The following CRMP1 variants were observed in gnomAD, a reference collection of about 807,000 sequenced individuals.
The protein encoded by CRMP1 is collapsin response mediator protein 1, also known as dihydropyrimidinase-related protein 1.
A neutral mutation model predicts 68.3 loss-of-function variants in CRMP1; 19 were observed. That is an observed-to-expected ratio of 0.28 (90% confidence interval 0.19 to 0.41). The LOEUF is 0.41. CRMP1 is among the 10% of genes least tolerant of loss of function. CRMP1 has a pLI of 1.00. For synonymous variants in CRMP1, 439 were observed against 399.6 expected, an observed-to-expected ratio of 1.10 and a Z score of -1.18; for missense variants, 791 against 967.4, an observed-to-expected ratio of 0.82 and a Z score of 2.42.
chr4:5,880,784 A>G (rs1399721796), intron 1 of CRMP1, among the ~76,000 whole-genome samples: 2 of 152,144 alleles, frequency 1.3e-5, no homozygotes, highest in East Asian at 3.8e-4. Flanking sequence ...TGTTAAATCC[A>G]CAGACAGTGC....
chr4:5,836,864 G>T lies in CRMP1; in HGVS notation c.1353C>A (p.Ser451Arg). ...CCTTGCCCACCGCCTTCTGGGCAGT[G>T]CTGTAGGGACAGTGGCCGCTGCCTG... ...QVTGSGHCPY[S>R]TAQKAVGKDN... Residue 451 changes from serine to arginine, a missense_variant, in exon 10 of 14, where the codon AGC becomes AGA. Transcript: ENST00000324989. The T allele has an allele frequency of 6.2e-7, 1 of 1,614,072 alleles. No homozygotes were observed.
chr4:5,857,630 T>C (rs905658753), intron 3 of CRMP1, among the ~76,000 whole-genome samples: 1 of 152,204 alleles, frequency 6.6e-6, no homozygotes, highest in Admixed American at 6.5e-5. Flanking sequence ...TGAAAATTAA[T>C]ATACCCATTT....
chr4:5,872,259 T>A lies in CRMP1; in HGVS notation c.382-5503A>T, dbSNP rs1714509542. ...AAGTAAATGTTACATAATATATGTT[T>A]TTAAAATTAATAACACCAAATTCAC... is the stretch of plus-strand genomic sequence containing the variant. On this transcript the variant is annotated intron_variant, in intron 1 of 13. Transcript: ENST00000324989. This position sits in a 1 kb window ranked among gnomAD's most constrained non-coding sequence, Gnocchi z 4.6. 6.6e-6 allele frequency among the ~76,000 whole-genome samples: 1 copy of A among 152,326 alleles called. No individual in the cohort carries two copies. Among genetic ancestry groups the A allele is most frequent in the South Asian group, 2.1e-4 (1 of 4,820 alleles).
Position 5,889,852 on chromosome 4 carries a change from A to G in CRMP1, c.381+2737T>C. The G allele has an allele frequency of 6.9e-7, 1 of 1,448,854 alleles. No homozygotes were observed. Among genetic ancestry groups the G allele is most frequent in the Non-Finnish European group, 9.1e-7 (1 of 1,103,842 alleles). 89.7% of individuals were successfully genotyped at this position (1,448,854 alleles called of 1,614,324 possible). Reference sequence around the variant, plus strand: ...AGGCCAGAGACACCTGGGCCTTAAAATAGAGGTGAGGTTTTAGCTTCACAG... The same window carrying G: ...AGGCCAGAGACACCTGGGCCTTAAAGTAGAGGTGAGGTTTTAGCTTCACAG... On this transcript the variant is annotated intron_variant, in intron 1 of 13. Coordinates refer to ENST00000324989, the MANE Select transcript of CRMP1 (RefSeq NM_001014809.3). This position sits in a 1 kb window ranked among gnomAD's most constrained non-coding sequence, Gnocchi z 4.5.
chr4:5,826,264 G>C (rs556468765), intron 12 of CRMP1: 217 of 153,348 alleles, frequency 1.4e-3, no homozygotes, highest in African/African-American at 5.0e-3. Flanking sequence ...AGCAGCAACG[G>C]GCCCATCTTC....
In CRMP1 at chr4:5,823,617, C is replaced by A. The variant is rs564866025; in HGVS notation, c.1970-1766G>T. ...AATGAGTAAATTCTTGCTCTATTAG[C>A]TCTCGGAAGAACTGGTTGTTAAAGA... On this transcript the variant is annotated intron_variant, in intron 13 of 13. Transcript: ENST00000324989. Among the ~76,000 whole-genome samples, 5 of 152,164 alleles carry A rather than the reference C, an allele frequency of 3.3e-5. No individual in the cohort carries two copies. The South Asian group carries it at 1.0e-3, about 32-fold the overall frequency.
chr4:5,833,312 G>A lies in CRMP1; in HGVS notation c.1623+2603C>T, dbSNP rs1016013282. On this transcript the variant is annotated intron_variant, in intron 11 of 13. Coordinates refer to ENST00000324989, the MANE Select transcript of CRMP1 (RefSeq NM_001014809.3). The stretch of plus-strand genomic sequence containing the variant: ...CTCCCGAGTAGCTGGGACTACAGGC[G>A]CCCGCCACTACGCCCGGCTAATTTT... Among the ~76,000 whole-genome samples the A allele has an allele frequency of 3.5e-4, 46 of 131,544 alleles. 7 individuals are homozygous for A. The highest frequency in any genetic ancestry group is 1.6e-5 in the Non-Finnish European group (1 of 60,982). The allele number at this position is 131,544 out of a possible 152,430, so 86.3% of individuals were successfully genotyped here.
In CRMP1 at chr4:5,861,273, C is replaced by T. The variant is rs377170107; in HGVS notation, c.471-63G>A. On this transcript the variant is annotated intron_variant, in intron 2 of 13. Transcript: ENST00000324989. The surrounding 1 kb of genome is among the most constrained non-coding windows in gnomAD (Gnocchi z 6.0). ...GGAAAAGTAGAATGGGCAGTCAACC[C>T]GCAGCTTCAGTTCCATGAAATAAAC... 34 of 1,508,392 alleles carry T rather than the reference C, an allele frequency of 2.3e-5. No homozygotes were observed. The highest frequency in any genetic ancestry group is 1.8e-4 in the East Asian group (8 of 44,228). The allele number at this position is 1,508,392 out of a possible 1,614,324, so 93.4% of individuals were successfully genotyped here. A position where few individuals can be genotyped will look rare whatever the true frequency, so the allele number is the denominator to read the frequency against.
chr4:5,849,278 CTGGCTTGACCTTT>C (rs1712447358), intron 6 of CRMP1, 101 bp downstream of exon 6: 4 of 827,058 alleles, frequency 4.8e-6, no homozygotes, highest in Non-Finnish European at 6.0e-6. Flanking sequence ...CACCCAGTTC[CTGGCTTGACCTTT>C]CATTGTACAG....
At chr4:5,887,914 T>C in intron 1 of CRMP1, 1 of 660,988 alleles carries the variant, frequency 1.5e-6, no homozygotes, top group Non-Finnish European at 2.0e-6. Flanking sequence ...CCCCTCCCTC[T>C]TTTGTTCGGC....
intron 1 of CRMP1, among the ~76,000 whole-genome samples, chr4:5,884,337 T>C (rs1715418844): frequency 6.6e-6 from 1 of 152,184 alleles, no homozygotes; most frequent in African/African-American, 2.4e-5. Flanking sequence ...ATGTGATTTT[T>C]ACTTGATCCT....
chr4:5,825,769 T>C lies in CRMP1; in HGVS notation c.1804-110A>G, dbSNP rs1454934344. ...GAGAGAAACCTGAGGTCACTTCAAATGTGCATGCACACACACACACAACAC... is the reference window on the plus strand; with the variant it reads ...GAGAGAAACCTGAGGTCACTTCAAACGTGCATGCACACACACACACAACAC... On this transcript the variant is annotated intron_variant, in intron 12 of 13. Transcript: ENST00000324989. This position sits in a 1 kb window ranked among gnomAD's most constrained non-coding sequence, Gnocchi z 4.4. 30 of 1,067,582 alleles carry C rather than the reference T, an allele frequency of 2.8e-5. No homozygotes were observed. The highest frequency in any genetic ancestry group is 3.7e-5 in the Non-Finnish European group (27 of 733,550). 66.1% of individuals were successfully genotyped at this position (1,067,582 alleles called of 1,614,324 possible).
intron 9 of CRMP1, 96 bp downstream of exon 9, chr4:5,839,426 C>T (rs1711535212): frequency 6.9e-7 from 1 of 1,453,026 alleles, no homozygotes; most frequent in Non-Finnish European, 9.3e-7. Flanking sequence ...CCTCTACAAT[C>T]ATGAGTCCAA....
rs1401054222 is a variant in CRMP1 at position 5,883,808 on chromosome 4, A to T, written c.381+8781T>A. Among the ~76,000 whole-genome samples, 2 of 152,182 alleles carry T rather than the reference A, an allele frequency of 1.3e-5. No individual in the cohort carries two copies. The highest frequency in any genetic ancestry group is 4.8e-5 in the African/African-American group (2 of 41,442). On this transcript the variant is annotated intron_variant, in intron 1 of 13. Coordinates refer to ENST00000324989, the MANE Select transcript of CRMP1 (RefSeq NM_001014809.3). This position sits in a 1 kb window ranked among gnomAD's most constrained non-coding sequence, Gnocchi z 4.5. ...TACTATGTGCCATGCACACTCATGTATGTTGTATTGTGTGTGCTCCATGTA... is the reference window on the plus strand; with the variant it reads ...TACTATGTGCCATGCACACTCATGTTTGTTGTATTGTGTGTGCTCCATGTA...
rs11935956 is a variant in CRMP1, at chr4:5,861,937, G to A, written c.471-727C>T. 0.034 allele frequency among the ~76,000 whole-genome samples: 5,111 copies of A among 152,258 alleles called. 265 individuals are homozygous for A. Among genetic ancestry groups the A allele is most frequent in the African/African-American group, 0.11 (4,589 of 41,534 alleles). The stretch of plus-strand genomic sequence containing the variant: ...AAAAACCCTAGTAATAAAGACACAG[G>A]AAGATGCTGCTTCAGTGACCAAAAG... On this transcript the variant is annotated intron_variant, in intron 2 of 13. Transcript: ENST00000324989. The surrounding 1 kb of genome is among the most constrained non-coding windows in gnomAD (Gnocchi z 6.0).
intron 1 of CRMP1, among the ~76,000 whole-genome samples, chr4:5,868,325 G>A (rs536476064): frequency 2.8e-4 from 34 of 121,724 alleles, no homozygotes; most frequent in Non-Finnish European, 3.8e-4. Flanking sequence ...TTTTTGAGAC[G>A]GAGTCTCACT....
intron 3 of CRMP1, among the ~76,000 whole-genome samples, chr4:5,856,637 A>T (rs1713084914): frequency 1.3e-5 from 2 of 149,668 alleles, no homozygotes; most frequent in Admixed American, 1.3e-4. Flanking sequence ...CATCATCATC[A>T]TTATCAACCC....
Position 5,858,473 on chromosome 4 carries a change from C to T in CRMP1, c.656-2166G>A, listed in dbSNP as rs1713297315. On this transcript the variant is annotated intron_variant, in intron 3 of 13. Transcript: ENST00000324989. This position sits in a 1 kb window ranked among gnomAD's most constrained non-coding sequence, Gnocchi z 5.5. ...TTCCACAGCCAGAGGCCCAGGTCAC[C>T]CGTGGCACTTCCTTTCCCTCACATG... is the stretch of plus-strand genomic sequence containing the variant. Among the ~76,000 whole-genome samples the T allele has an allele frequency of 6.6e-6, 1 of 152,080 alleles. No individual in the cohort carries two copies. The highest frequency in any genetic ancestry group is 2.1e-4 in the South Asian group (1 of 4,818).
At position 5,821,909 on chromosome 4, in the gene CRMP1, C is replaced by G; in HGVS notation, c.1970-58G>C. ...ATCTGTTAGCATCAGTTCCACGCTG[C>G]TCCTGGAGGCCATGTACTCTGCCAT... On this transcript the variant is annotated intron_variant, in intron 13 of 13. Transcript: ENST00000324989. The surrounding 1 kb of genome is among the most constrained non-coding windows in gnomAD (Gnocchi z 4.4). The G allele has an allele frequency of 7.6e-7, 1 of 1,317,314 alleles. No homozygotes were observed. Among genetic ancestry groups the G allele is most frequent in the South Asian group, 1.3e-5 (1 of 74,604 alleles). The allele number at this position is 1,317,314 out of a possible 1,614,324, so 81.6% of individuals were successfully genotyped here. A position where few individuals can be genotyped will look rare whatever the true frequency, so the allele number is the denominator to read the frequency against.
Sources: gnomAD v4.1 joint callset for allele counts (sites outside exome capture counted in the v4.1 genomes callset) on GRCh38, gnomAD v4.1.1 for gene constraint, Gnocchi (gnomAD v3.1) non-coding constraint, MANE v1.5 for transcripts, NCBI Gene and HGNC (gene_info 2026-07-23, HGNC 2026-07-21) for gene names.